Variants in JMJD7 observed in about 807,000 individuals in gnomAD.
JMJD7 encodes the protein jumonji domain containing 7, also known as bifunctional peptidase and (3S)-lysyl hydroxylase JMJD7.
Under a neutral mutation model 41.1 loss-of-function variants are expected in JMJD7, and 41 were observed. The observed-to-expected ratio is 1.00, with a 90% confidence interval of 0.78 to 1.30. JMJD7 has a LOEUF of 1.30. JMJD7 is among the 50% of genes most tolerant of loss of function. JMJD7 has a pLI of 0.00. For missense variants in JMJD7, 480 were observed against 420.7 expected, an observed-to-expected ratio of 1.14 and a Z score of -1.23; for synonymous variants, 202 against 177.2, an observed-to-expected ratio of 1.14 and a Z score of -1.11.
chr15:41,830,099 G>A (rs1333093933), intron 1 of JMJD7, among the ~76,000 whole-genome samples: 1 of 152,088 alleles, frequency 6.6e-6, no homozygotes, highest in Non-Finnish European at 1.5e-5. Context: ...CTGCATCCCC[G>A]AGGCAGCCGA....
At position 41,837,200 on chromosome 15, in the gene JMJD7, G is replaced by A. The variant is rs1280583094; in HGVS notation, c.*44G>A. The A allele has an allele frequency of 7.2e-7, 1 of 1,388,124 alleles. No individual in the cohort carries two copies. Among genetic ancestry groups the A allele is most frequent in the Non-Finnish European group, 1.0e-6 (1 of 989,128 alleles). 86.0% of individuals were successfully genotyped at this position (1,388,124 alleles called of 1,614,324 possible). ...CACCAAGCACGCCTCGGGGGACGGA[G>A]CCAGCCCCTCCCTGGCCAGGTCAAT... On this transcript the variant is annotated 3_prime_UTR_variant, in exon 8 of 8. Coordinates refer to ENST00000397299, the MANE Select transcript of JMJD7 (RefSeq NM_001114632.2).
At chr15:41,832,447 T>C (rs1386965410) in intron 1 of JMJD7, 2 of 155,050 alleles carry the variant, frequency 1.3e-5, no homozygotes, top group African/African-American at 2.4e-5. Context: ...AGCAAGACTC[T>C]GTCTCTTAAT....
Position 41,836,545 on chromosome 15 carries a change from G to T in JMJD7, c.696G>T (p.Met232Ile), listed in dbSNP as rs374887606. 27 of 1,583,012 alleles carry T rather than the reference G, an allele frequency of 1.7e-5. No homozygotes were observed. Among genetic ancestry groups the T allele is most frequent in the Non-Finnish European group, 2.1e-5 (25 of 1,164,122 alleles). Residue 232 changes from methionine (M) to isoleucine (I), a missense_variant, in exon 6 of 8, where the codon ATG becomes ATT. Met to Ile is a conservative substitution (Grantham distance 10, BLOSUM62 1). Transcript: ENST00000397299. ...GTFKVVDEEA[M>I]EKVPWIPLDP... is the part of the protein sequence containing the mutation. ...TTAAGGTGGTGGATGAAGAGGCCAT[G>T]GAGAAGGTGTCTGTCCTGTTCTTGG...
chr15:41,829,926 C>T (rs1024026299), intron 1 of JMJD7, among the ~76,000 whole-genome samples: 3 of 152,226 alleles, frequency 2.0e-5, no homozygotes, highest in African/African-American at 7.2e-5. Flanking sequence ...CCTGTAGTCC[C>T]ACCTCCTGAG....
Position 41,834,866 on chromosome 15 carries a change from T to G in JMJD7, c.191T>G (p.Leu64Arg), listed in dbSNP as rs759048463. ...IRNALQHWPA[L>R]QKWSLPYFRA... ...AACGCTCTGCAGCACTGGCCGGCCC[T>G]CCAGAAGTGGTCCCTCCCCTATTTC... Residue 64 changes from leucine (L) to arginine (R), a missense_variant, in exon 2 of 8, where the codon CTC (leucine) becomes CGC (arginine). Transcript: ENST00000397299. The G allele has an allele frequency of 1.2e-6, 2 of 1,614,154 alleles. No individual in the cohort carries two copies. Among genetic ancestry groups the G allele is most frequent in the South Asian group, 1.1e-5 (1 of 91,076 alleles).
rs1362603756 is a variant in JMJD7, at chr15:41,837,308, A to G, written c.*152A>G. 3 of 618,190 alleles carry G rather than the reference A, an allele frequency of 4.9e-6. No individual in the cohort carries two copies. Among genetic ancestry groups the G allele is most frequent in the African/African-American group, 1.8e-5 (1 of 54,234 alleles). The allele number at this position is 618,190 out of a possible 1,614,324, so 38.3% of individuals were successfully genotyped here. On this transcript the variant is annotated 3_prime_UTR_variant, in exon 8 of 8. Transcript: ENST00000397299. Reference sequence around the variant, plus strand: ...GAGATCAGCTTTGGAGGATCTTGGAATGTGGTCATAAGGACTCAAGGTGCC... The same window carrying G: ...GAGATCAGCTTTGGAGGATCTTGGAGTGTGGTCATAAGGACTCAAGGTGCC...
At chr15:41,833,414 ATTTTT>A (rs67111164) in intron 1 of JMJD7, among the ~76,000 whole-genome samples, 326 of 31,966 alleles carry the variant, frequency 0.01, 5 homozygotes, top group Middle Eastern at 0.042. Flanking sequence ...ATATATATAT[ATTTTT>A]TTTTTTTTTT....
chr15:41,836,742 G>T (rs763396331), intron 6 of JMJD7, 39 bp from the exon 7 acceptor site: 6 of 1,564,724 alleles, frequency 3.8e-6, no homozygotes, highest in South Asian at 2.3e-5. Flanking sequence ...GTCCTGGGGG[G>T]TCTGGGGGGC....
chr15:41,836,113 C>A, intron 4 of JMJD7, 35 bp from the exon 5 acceptor site: 1 of 1,561,142 alleles, frequency 6.4e-7, no homozygotes, highest in Non-Finnish European at 8.7e-7. Context: ...CCCTGCCCTC[C>A]ATACCCTGCC....
rs771388995 is a variant in JMJD7, at chr15:41,836,816, C to T, written c.738C>T (p.Asp246=). The T allele has an allele frequency of 1.9e-6, 3 of 1,612,318 alleles. No homozygotes were observed. Among genetic ancestry groups the T allele is most frequent in the East Asian group, 4.5e-5 (2 of 44,854 alleles). ...TCCCACTGGACCCCTTGGCGCCAGA[C>T]CTAGCACGGTACCCTAGTTACAGTC... ...PWIPLDPLAP[D]LARYPSYSQA... is the part of the protein sequence containing the mutation. The change falls in exon 7 of 8, where the codon GAC becomes GAT. Residue 246 remains aspartate, a synonymous_variant. Transcript: ENST00000397299.
At chr15:41,828,752 A>G (rs2065181189) in intron 1 of JMJD7, among the ~76,000 whole-genome samples, 1 of 152,136 alleles carries the variant, frequency 6.6e-6, no homozygotes, top group Non-Finnish European at 1.5e-5. Context: ...AAATGAAGCA[A>G]GGTTTCCTCC....
chr15:41,833,695 C>T (rs905892550), intron 1 of JMJD7, among the ~76,000 whole-genome samples: 2 of 151,904 alleles, frequency 1.3e-5, no homozygotes, highest in African/African-American at 4.8e-5. Context: ...GCTGGGATTA[C>T]AGACATGAGC....
intron 1 of JMJD7, among the ~76,000 whole-genome samples, chr15:41,834,075 G>A (rs2065273171): frequency 6.6e-6 from 1 of 152,184 alleles, no homozygotes; most frequent in Non-Finnish European, 1.5e-5. Flanking sequence ...GCAGCCTGCC[G>A]AAGTGTACGT....
Position 41,836,241 on chromosome 15 carries a change from A to G in JMJD7, c.623A>G (p.Tyr208Cys), listed in dbSNP as rs368925568. The change falls in exon 5 of 8, where the codon TAT (tyrosine) becomes TGT (cysteine). Residue 208 changes from tyrosine (Y) to cysteine (C), a missense_variant and splice_region_variant. Coordinates refer to ENST00000397299, the MANE Select transcript of JMJD7 (RefSeq NM_001114632.2). ...CCCAGCGACCGGCCCTTCATCCCCTATGGTAGGGGATGTGGCCTGCAGGGA... is the reference window on the plus strand; with the variant it reads ...CCCAGCGACCGGCCCTTCATCCCCTGTGGTAGGGGATGTGGCCTGCAGGGA... ...HPPSDRPFIP[Y>C]ELYTPATYQL... The G allele has an allele frequency of 1.1e-5, 17 of 1,612,030 alleles. No individual in the cohort carries two copies. Among genetic ancestry groups the G allele is most frequent in the Non-Finnish European group, 1.2e-5 (14 of 1,179,138 alleles).
chr15:41,833,101 G>A (rs955250338), intron 1 of JMJD7, among the ~76,000 whole-genome samples: 25 of 152,122 alleles, frequency 1.6e-4, no homozygotes, highest in African/African-American at 6.0e-4. Flanking sequence ...CTAGGGGTGT[G>A]ACAATATGAG....
intron 4 of JMJD7, 55 bp from the exon 5 acceptor site, chr15:41,836,093 C>T (rs1041528339): frequency 2.6e-6 from 4 of 1,517,890 alleles, no homozygotes; most frequent in African/African-American, 2.8e-5. Context: ...TGGTTTGCCT[C>T]CTCCCGTGCC....
intron 1 of JMJD7, among the ~76,000 whole-genome samples, chr15:41,833,888 A>T (rs2065270227): frequency 6.6e-6 from 1 of 152,208 alleles, no homozygotes; most frequent in Admixed American, 6.5e-5. Context: ...GGTAGCTGGA[A>T]TGTGGATGCC....
At chr15:41,828,811 C>G (rs2065182559) in intron 1 of JMJD7, among the ~76,000 whole-genome samples, 1 of 152,174 alleles carries the variant, frequency 6.6e-6, no homozygotes, top group Non-Finnish European at 1.5e-5. Flanking sequence ...TCCGTGCACA[C>G]ACGACTTTTT....
Position 41,835,061 on chromosome 15 carries a change from G to A in JMJD7, c.310G>A (p.Glu104Lys), listed in dbSNP as rs1194221693. The A allele has an allele frequency of 6.2e-7, 1 of 1,613,844 alleles. No individual in the cohort carries two copies. Among genetic ancestry groups the A allele is most frequent in the Non-Finnish European group, 8.5e-7 (1 of 1,180,038 alleles). ...AGGGGATCGCTTCATGATGCCAGCT[G>A]AGCGCCGCCTGCCCCTGAGCTTCGT... ...VRGDRFMMPA[E>K]RRLPLSFVLD... Residue 104 changes from glutamate to lysine, a missense_variant, in exon 3 of 8, where the codon GAG (glutamate) becomes AAG (lysine). Transcript: ENST00000397299.
Sources: gnomAD v4.1 joint callset for allele counts (sites outside exome capture counted in the v4.1 genomes callset) on GRCh38, gnomAD v4.1.1 for gene constraint, MANE v1.5 for transcripts, NCBI Gene and HGNC (gene_info 2026-07-23, HGNC 2026-07-21) for gene names.